The following GMPS variants were observed in gnomAD, a reference collection of about 807,000 sequenced individuals.
GMPS encodes the protein GMP synthase [glutamine-hydrolyzing].
Under a neutral mutation model 77.9 loss-of-function variants are expected in GMPS, and 15 were observed. The observed-to-expected ratio is 0.19, with a 90% CI of 0.13 to 0.30. The LOEUF is 0.30. Ranked by LOEUF, GMPS falls within the 10% of genes least tolerant of loss-of-function variation. The probability of loss-of-function intolerance (pLI) is 1.00; values close to 1 mark genes in which losing one functional copy is unlikely to be tolerated. For synonymous variants in GMPS, 224 were observed against 275.9 expected (o/e 0.81, Z 1.86); for missense variants, 590 against 838.8 (o/e 0.70, Z 3.66).
intron 10 of GMPS, among the ~76,000 whole-genome samples, chr3:155,921,674 C>T (rs150714291): frequency 1.3e-5 from 2 of 152,146 alleles, no homozygotes; most frequent in African/African-American, 2.4e-5. Flanking sequence ...TGCTTGTAAT[C>T]CAAGCTATTT....
rs1387830081 is a variant in GMPS, at chr3:155,893,277, A to G, written c.28-241A>G. On this transcript the variant is annotated intron_variant, in intron 1 of 15. Transcript: ENST00000496455. ...ATGTAAGATATATATACACATGATC[A>G]CTATATTACATAGTCAATAAGTGGT... Among the ~76,000 whole-genome samples, 4 of 152,210 alleles carry G rather than the reference A, an allele frequency of 2.6e-5. No individual in the cohort carries two copies. In the South Asian group the frequency reaches 6.2e-4, roughly 24 times the overall value.
At position 155,936,344 on chromosome 3, in the gene GMPS, C is replaced by T. The variant is rs780915192; in HGVS notation, c.1814C>T (p.Ala605Val). The change falls in exon 15 of 16, where the codon GCT becomes GTT. Residue 605 changes from alanine (A) to valine (V), a missense_variant. Physicochemically the swap from Ala to Val is moderately conservative, Grantham distance 64. This residue lies in a region of GMPS where 73 missense variants were observed against 170.5 expected (regional missense o/e 0.43). Coordinates refer to ENST00000496455, the MANE Select transcript of GMPS (RefSeq NM_003875.3). The part of the protein sequence containing the change: ...AHNILRESGY[A>V]GKISQMPVIL... Reference sequence around the variant, plus strand: ...TACATATACCTTTCTCTAGGGTATGCTGGGAAAATCAGCCAGATGCCGGTG... The same window carrying T: ...TACATATACCTTTCTCTAGGGTATGTTGGGAAAATCAGCCAGATGCCGGTG... 30 of 1,605,026 alleles carry T rather than the reference C, an allele frequency of 1.9e-5. No homozygotes were observed. In the Admixed American group the frequency reaches 4.8e-4, roughly 26 times the overall value.
chr3:155,940,498 A>G lies in GMPS; in HGVS notation c.*2806A>G, dbSNP rs1482680264. 3 of 214,882 alleles carry G rather than the reference A, an allele frequency of 1.4e-5. No homozygotes were observed. Among genetic ancestry groups the G allele is most frequent in the Non-Finnish European group, 2.8e-5 (3 of 106,580 alleles). 13.3% of individuals were successfully genotyped at this position (214,882 alleles called of 1,614,324 possible). On this transcript the variant is annotated 3_prime_UTR_variant, in exon 16 of 16. Coordinates refer to ENST00000496455, the MANE Select transcript of GMPS (RefSeq NM_003875.3). ...GCTTAACCTCCTGATAGCCTGTTTT[A>G]CTGAATAACTTGACCCTAACCTGTA...
intron 1 of GMPS, among the ~76,000 whole-genome samples, chr3:155,886,209 C>G (rs535462768): frequency 8.1e-4 from 123 of 152,064 alleles, no homozygotes; most frequent in African/African-American, 2.6e-3. Flanking sequence ...AGTTGCTACA[C>G]TTTTCTAGGG....
At chr3:155,897,172 A>G (rs1754623777) in intron 2 of GMPS, among the ~76,000 whole-genome samples, 2 of 152,136 alleles carry the variant, frequency 1.3e-5, no homozygotes, top group South Asian at 4.1e-4. Context: ...TCTTGATATT[A>G]AAATGTTTAA....
chr3:155,884,599 A>G (rs1754287017), intron 1 of GMPS, among the ~76,000 whole-genome samples: 1 of 152,184 alleles, frequency 6.6e-6, no homozygotes, highest in African/African-American at 2.4e-5. Flanking sequence ...AGGTTAAAAA[A>G]TCAGATTAGA....
chr3:155,915,060 G>T (rs917742313), intron 8 of GMPS, among the ~76,000 whole-genome samples: 4 of 151,984 alleles, frequency 2.6e-5, no homozygotes, highest in African/African-American at 9.7e-5. Flanking sequence ...GAGCCACTAT[G>T]CCCAGCCAAC....
At chr3:155,898,414 T>G (rs1754653288) in intron 3 of GMPS, among the ~76,000 whole-genome samples, 1 of 152,216 alleles carries the variant, frequency 6.6e-6, no homozygotes. Flanking sequence ...GTTACTTATA[T>G]TTCCTAAATA....
At position 155,942,910 on chromosome 3, in the gene GMPS, T is replaced by G. The variant is rs1755927449; in HGVS notation, c.*5218T>G. ...CTAAGTTTCCTGAATTAGAATCATT[T>G]GAGCAGCACCATCTTAATTGGCTCA... On this transcript the variant is annotated 3_prime_UTR_variant, in exon 16 of 16. Transcript: ENST00000496455. 5.1e-6 allele frequency: 1 copy of G among 197,096 alleles called. No individual in the cohort carries two copies. The highest frequency in any genetic ancestry group is 2.3e-5 in the African/African-American group (1 of 43,240). 12.2% of individuals were successfully genotyped at this position (197,096 alleles called of 1,614,324 possible).
At chr3:155,904,619 TA>T (rs1400700695) in intron 4 of GMPS, among the ~76,000 whole-genome samples, 1 of 152,140 alleles carries the variant, frequency 6.6e-6, no homozygotes, top group Non-Finnish European at 1.5e-5. Flanking sequence ...GGAAGATTAA[TA>T]AAAAAGCCAA....
In GMPS at chr3:155,911,422, G is replaced by C. The variant is rs543777709; in HGVS notation, c.886+143G>C. 9.8e-4 allele frequency: 490 copies of C among 502,244 alleles called. 2 individuals carry two copies. Among genetic ancestry groups the C allele is most frequent in the Non-Finnish European group, 1.5e-3 (439 of 287,660 alleles). 31.1% of individuals were successfully genotyped at this position (502,244 alleles called of 1,614,324 possible). On this transcript the variant is annotated intron_variant, in intron 7 of 15. Transcript: ENST00000496455. ...TTTTTTATTTTTACAATTACCTCTG[G>C]TGTAAGAGAGGTCTCAGTATAAATT... is the stretch of plus-strand genomic sequence containing the variant.
intron 1 of GMPS, among the ~76,000 whole-genome samples, chr3:155,876,211 T>C (rs1754046066): frequency 6.6e-6 from 1 of 152,274 alleles, no homozygotes; most frequent in South Asian, 2.1e-4. Flanking sequence ...GAGGCTCCTG[T>C]GCATCTTGCA....
chr3:155,895,864 T>C (rs1423939046), intron 2 of GMPS, among the ~76,000 whole-genome samples: 1 of 152,228 alleles, frequency 6.6e-6, no homozygotes, highest in Non-Finnish European at 1.5e-5. Flanking sequence ...TCTTATATCC[T>C]AGAGTTCTTT....
chr3:155,932,959 A>G (rs1755663263), intron 13 of GMPS, among the ~76,000 whole-genome samples: 1 of 152,256 alleles, frequency 6.6e-6, no homozygotes, highest in African/African-American at 2.4e-5. Flanking sequence ...TGAGAGGCCA[A>G]GGCGAGTGGA....
Position 155,915,960 on chromosome 3 carries a change from A to G in GMPS, c.1039-59A>G, listed in dbSNP as rs1472108161. On this transcript the variant is annotated intron_variant, in intron 8 of 15. Transcript: ENST00000496455. ...CTAAGAGATTTAGCTGAAAGTATAA[A>G]CTTTTGCTTTTAAAAAAAGTTATCT... is the stretch of plus-strand genomic sequence containing the variant. The G allele has an allele frequency of 2.8e-5, 32 of 1,141,302 alleles. No individual in the cohort carries two copies. In the South Asian group the frequency reaches 3.8e-4, roughly 13 times the overall value. 70.7% of individuals were successfully genotyped at this position (1,141,302 alleles called of 1,614,324 possible).
Position 155,916,019 on chromosome 3 carries a change from A to G in GMPS, c.1039A>G (p.Ile347Val). The G allele has an allele frequency of 1.2e-6, 2 of 1,609,676 alleles. No homozygotes were observed. Among genetic ancestry groups the G allele is most frequent in the South Asian group, 1.1e-5 (1 of 90,582 alleles). Residue 347 changes from isoleucine (I) to valine (V), a missense_variant and splice_region_variant, in exon 9 of 16, where the codon ATT becomes GTT. Ile to Val is a conservative substitution (Grantham distance 29). This residue lies in a region of GMPS where 181 missense variants were observed against 186.8 expected (regional missense o/e 0.97). Transcript: ENST00000496455. ...RKIIGDTFVK[I>V]ANEVIGEMNL... The stretch of plus-strand genomic sequence containing the variant: ...GCTGTTTTACTCCTGTTGATTATAG[A>G]TTGCCAATGAAGTAATTGGAGAAAT...
intron 1 of GMPS, among the ~76,000 whole-genome samples, chr3:155,873,818 G>T (rs979634334): frequency 6.6e-6 from 1 of 151,390 alleles, no homozygotes; most frequent in African/African-American, 2.4e-5. Flanking sequence ...TGTATTTTTA[G>T]TAGAGACAGG....
intron 1 of GMPS, among the ~76,000 whole-genome samples, chr3:155,874,234 C>T (rs1045113526): frequency 5.3e-5 from 8 of 152,260 alleles, no homozygotes; most frequent in Non-Finnish European, 7.4e-5. Flanking sequence ...CTACTCTTTT[C>T]CCCTGTCTAA....
rs1283114203 is a variant in GMPS, at chr3:155,938,918, T to G, written c.*1226T>G. 4.6e-6 allele frequency: 1 copy of G among 216,714 alleles called. No individual in the cohort carries two copies. The highest frequency in any genetic ancestry group is 6.9e-5 in the East Asian group (1 of 14,580). 13.4% of individuals were successfully genotyped at this position (216,714 alleles called of 1,614,324 possible). ...TCTCTCAGTATTTTAGCTAAGAATG[T>G]TACCATATTTTTCTCTTAACAATTC... On this transcript the variant is annotated 3_prime_UTR_variant, in exon 16 of 16. Transcript: ENST00000496455.
Sources: allele counts gnomAD v4.1 joint callset (sites outside exome capture counted in the v4.1 genomes callset), GRCh38; gene constraint gnomAD v4.1.1; regional missense constraint gnomAD v4.1.1; transcripts MANE v1.5; gene names NCBI Gene and HGNC (gene_info 2026-07-23, HGNC 2026-07-21).